Variants in FAT3 observed in about 807,000 individuals in gnomAD.
FAT3 encodes the protein FAT atypical cadherin 3, also known as protocadherin Fat 3.
Under a neutral mutation model 310.2 loss-of-function variants are expected in FAT3, and 95 were observed. The ratio of observed to expected loss-of-function variants is 0.31; its 90% CI spans 0.26 to 0.36. The LOEUF is 0.36. Ranked by LOEUF, FAT3 falls within the 10% of genes least tolerant of loss-of-function variation. FAT3 has a pLI of 1.00. For synonymous variants in FAT3, 2,314 were observed against 2,192.9 expected, an observed-to-expected ratio of 1.06 and a Z score of -1.54; for missense variants, 5,408 against 5,715.6, an observed-to-expected ratio of 0.95 and a Z score of 1.74.
chr11:92,632,799 T>C (rs1321847236), intron 3 of FAT3, among the ~76,000 whole-genome samples: 1 of 152,178 alleles, frequency 6.6e-6, no homozygotes, highest in East Asian at 1.9e-4. Flanking sequence ...AGATGTCACC[T>C]GAGATGTATC....
chr11:92,503,167 T>C (rs538315724), intron 2 of FAT3, among the ~76,000 whole-genome samples: 1 of 152,188 alleles, frequency 6.6e-6, no homozygotes, highest in East Asian at 1.9e-4. Context: ...AGTTTCAGAG[T>C]GTGGCAACAA....
intron 2 of FAT3, among the ~76,000 whole-genome samples, chr11:92,370,476 C>T (rs1402778413): frequency 1.3e-5 from 2 of 152,120 alleles, no homozygotes; most frequent in Non-Finnish European, 2.9e-5. Context: ...CATCTCTCCC[C>T]GATACTGGGT....
At chr11:92,441,026 A>T (rs187399587) in intron 2 of FAT3, among the ~76,000 whole-genome samples, 1 of 152,340 alleles carries the variant, frequency 6.6e-6, no homozygotes, top group African/African-American at 2.4e-5. Context: ...CTCCTGTCTC[A>T]CTACTTGTCA....
At chr11:92,620,474 G>A (rs1408530040) in intron 3 of FAT3, among the ~76,000 whole-genome samples, 1 of 152,110 alleles carries the variant, frequency 6.6e-6, no homozygotes, top group African/African-American at 2.4e-5. Context: ...TATAAATCTT[G>A]TGCTGATTTA....
chr11:92,608,159 A>G (rs1644476233), intron 3 of FAT3, among the ~76,000 whole-genome samples: 1 of 152,188 alleles, frequency 6.6e-6, no homozygotes, highest in Admixed American at 6.5e-5. Context: ...ATGTATCTGA[A>G]AGAGCTGAGT....
chr11:92,693,493 C>G (rs781303006), intron 3 of FAT3, among the ~76,000 whole-genome samples: 3 of 152,138 alleles, frequency 2.0e-5, no homozygotes, highest in Non-Finnish European at 4.4e-5. Context: ...TTCTTGTTCT[C>G]TATTGTCTTG....
chr11:92,308,358 A>G (rs1947193781), intron 1 of FAT3, among the ~76,000 whole-genome samples: 1 of 152,152 alleles, frequency 6.6e-6, no homozygotes, highest in Admixed American at 6.6e-5. Context: ...TCACATGAGA[A>G]TGGTTTCTTT....
At chr11:92,751,106 C>T (rs1945816678) in intron 4 of FAT3, among the ~76,000 whole-genome samples, 1 of 152,132 alleles carries the variant, frequency 6.6e-6, no homozygotes, top group African/African-American at 2.4e-5. Context: ...AGGGAAAGGA[C>T]ATGTTTGAAC....
chr11:92,885,908 C>G (rs972823161), intron 24 of FAT3, among the ~76,000 whole-genome samples: 1 of 152,228 alleles, frequency 6.6e-6, no homozygotes, highest in African/African-American at 2.4e-5. Flanking sequence ...TTAGCCAACT[C>G]CTGTGGCCTC....
Position 92,857,277 on chromosome 11 carries a change from G to A in FAT3, c.11429G>A (p.Cys3810Tyr). 1 of 1,613,972 alleles carries A rather than the reference G, an allele frequency of 6.2e-7. No individual in the cohort carries two copies. The highest frequency in any genetic ancestry group is 8.5e-7 in the Non-Finnish European group (1 of 1,179,884). The part of the protein sequence containing the change: ...VEKPCPGDMQ[C>Y]VSYEASRRPF... ...AAGCCGTGTCCAGGGGACATGCAGT[G>A]TGTCAGTTATGAAGCCAGCAGGAGA... The change falls in exon 20 of 28, where the codon TGT (cysteine) becomes TAT (tyrosine). Residue 3810 changes from cysteine to tyrosine, a missense_variant. By Grantham distance (194) the Cys-to-Tyr change is radical (BLOSUM62 -2). Around this residue, in one of 5 missense-constraint regions of FAT3, gnomAD observed 4,588 missense variants for 4,809.8 expected, o/e 0.95. Coordinates refer to ENST00000525166, the MANE Select transcript of FAT3 (RefSeq NM_001367949.2).
chr11:92,484,883 T>G (rs1340575349), intron 2 of FAT3, among the ~76,000 whole-genome samples: 1 of 152,220 alleles, frequency 6.6e-6, no homozygotes, highest in Non-Finnish European at 1.5e-5. Context: ...TATTTTTTCA[T>G]AAAGAAGTTA....
chr11:92,771,989 G>T (rs1050158795), intron 6 of FAT3, among the ~76,000 whole-genome samples: 1 of 152,094 alleles, frequency 6.6e-6, no homozygotes, highest in Non-Finnish European at 1.5e-5. Flanking sequence ...ATCTATGCTT[G>T]CTGGTTCTCT....
intron 2 of FAT3, among the ~76,000 whole-genome samples, chr11:92,413,377 G>A (rs578224055): frequency 2.0e-5 from 3 of 152,198 alleles, no homozygotes; most frequent in South Asian, 2.1e-4. Flanking sequence ...GCAAATGGTG[G>A]TTATTATTTA....
intron 3 of FAT3, among the ~76,000 whole-genome samples, chr11:92,600,824 G>A (rs1591506262): frequency 6.6e-6 from 1 of 152,218 alleles, no homozygotes; most frequent in Non-Finnish European, 1.5e-5. Context: ...GAGGGCATCA[G>A]TGACTACTTT....
rs181840858 is a variant in FAT3 at position 92,662,294 on chromosome 11, G to A, written c.3608-35090G>A. On this transcript the variant is annotated intron_variant, in intron 3 of 27. Coordinates refer to ENST00000525166, the MANE Select transcript of FAT3 (RefSeq NM_001367949.2). ...TAGAAGAAACTAGAGGTGGCATTTG[G>A]GCCTGGGGAGCATTTTCCTACTTGT... is the stretch of plus-strand genomic sequence containing the variant. Among the ~76,000 whole-genome samples, 3 of 152,286 alleles carry A rather than the reference G, an allele frequency of 2.0e-5. No homozygotes were observed. In the East Asian group the frequency reaches 5.8e-4, roughly 29 times the overall value.
chr11:92,537,225 A>G (rs572243136), intron 3 of FAT3, among the ~76,000 whole-genome samples: 1 of 152,150 alleles, frequency 6.6e-6, no homozygotes, highest in African/African-American at 2.4e-5. Flanking sequence ...TATCTCTGAC[A>G]GTCTTTGAGT....
chr11:92,407,557 G>A (rs374971230), intron 2 of FAT3, among the ~76,000 whole-genome samples: 85 of 152,250 alleles, frequency 5.6e-4, no homozygotes, highest in African/African-American at 1.9e-3. Flanking sequence ...GTTGATTTGA[G>A]AGGAAATGCC....
At chr11:92,749,024 CA>C (rs2136047812) in intron 4 of FAT3, 1 of 152,290 alleles carries the variant, frequency 6.6e-6, no homozygotes, top group East Asian at 1.9e-4. Flanking sequence ...ACCTTTATAA[CA>C]GCTCCTGAGT....
chr11:92,633,209 G>A (rs993840848), intron 3 of FAT3, among the ~76,000 whole-genome samples: 1 of 152,098 alleles, frequency 6.6e-6, no homozygotes, highest in African/African-American at 2.4e-5. Flanking sequence ...TTCAACTGAG[G>A]AACTTTGAAT....
Sources: allele counts gnomAD v4.1 joint callset (sites outside exome capture counted in the v4.1 genomes callset), GRCh38; gene constraint gnomAD v4.1.1; regional missense constraint gnomAD v4.1.1; transcripts MANE v1.5; gene names NCBI Gene and HGNC (gene_info 2026-07-23, HGNC 2026-07-21).